Variants in SSBP2 observed in about 807,000 individuals in gnomAD.
The protein encoded by SSBP2 is single-stranded DNA-binding protein 2.
Under a neutral mutation model 61.8 loss-of-function variants are expected in SSBP2, and 17 were observed. That is an observed-to-expected ratio of 0.28 (90% CI 0.19 to 0.41). SSBP2 has a LOEUF of 0.41. Among genes scored for constraint, SSBP2 ranks in the 10% least tolerant of loss-of-function variants. SSBP2 has a pLI of 1.00. For missense variants in SSBP2, 310 were observed against 458.7 expected (o/e 0.68, Z 2.96); for synonymous variants, 139 against 141.3 (o/e 0.98, Z 0.12).
At chr5:81,634,773 T>C (rs1748047815) in intron 3 of SSBP2, among the ~76,000 whole-genome samples, 1 of 152,202 alleles carries the variant, frequency 6.6e-6, no homozygotes, top group Non-Finnish European at 1.5e-5. Flanking sequence ...TCTCTGCACA[T>C]GGTATGGTTG....
At chr5:81,713,525 A>G (rs1367291260) in intron 1 of SSBP2, among the ~76,000 whole-genome samples, 1 of 152,230 alleles carries the variant, frequency 6.6e-6, no homozygotes. Context: ...TATACCCTCC[A>G]TCCACTAAGA....
intron 2 of SSBP2, among the ~76,000 whole-genome samples, chr5:81,649,252 T>C (rs939214049): frequency 1.3e-5 from 2 of 152,104 alleles, no homozygotes; most frequent in Admixed American, 1.3e-4. Flanking sequence ...AGATAATATA[T>C]GTAAAATACC....
At chr5:81,629,619 C>T (rs1747502292) in intron 3 of SSBP2, among the ~76,000 whole-genome samples, 1 of 152,184 alleles carries the variant, frequency 6.6e-6, no homozygotes, top group African/African-American at 2.4e-5. Flanking sequence ...CCTTTTCTAA[C>T]TCTCCCAAGC....
At chr5:81,475,430 T>C (rs1173393227) in intron 6 of SSBP2, among the ~76,000 whole-genome samples, 1 of 152,148 alleles carries the variant, frequency 6.6e-6, no homozygotes, top group Non-Finnish European at 1.5e-5. Context: ...TGGGATGAAG[T>C]AGGTAGCTTC....
intron 1 of SSBP2, among the ~76,000 whole-genome samples, chr5:81,721,806 T>C (rs2153971275): frequency 6.6e-6 from 1 of 152,178 alleles, no homozygotes; most frequent in Admixed American, 6.5e-5. Flanking sequence ...AGGAATCAAA[T>C]GCCTTTGTAA....
At chr5:81,519,957 T>A (rs975638965) in intron 4 of SSBP2, among the ~76,000 whole-genome samples, 1 of 152,066 alleles carries the variant, frequency 6.6e-6, no homozygotes, top group African/African-American at 2.4e-5. Flanking sequence ...TTTTCAAACA[T>A]CTTAATTAAA....
chr5:81,553,669 TATC>T (rs938449803), intron 4 of SSBP2, among the ~76,000 whole-genome samples: 5 of 152,088 alleles, frequency 3.3e-5, no homozygotes, highest in Admixed American at 6.6e-5. Context: ...ATAAATAAAA[TATC>T]ATCATCAGGG....
chr5:81,685,629 T>C (rs920547515), intron 1 of SSBP2, among the ~76,000 whole-genome samples: 4 of 152,194 alleles, frequency 2.6e-5, no homozygotes, highest in South Asian at 2.1e-4. Flanking sequence ...AGATGGGCTA[T>C]ATTAACTTCT....
intron 6 of SSBP2, among the ~76,000 whole-genome samples, chr5:81,488,684 C>A: frequency 6.7e-6 from 1 of 148,662 alleles, no homozygotes; most frequent in Non-Finnish European, 1.5e-5. Context: ...GGTATATCTC[C>A]TAATGCTATC....
chr5:81,514,138 C>CT (rs919363983), intron 4 of SSBP2, among the ~76,000 whole-genome samples: 11 of 150,510 alleles, frequency 7.3e-5, no homozygotes, highest in Admixed American at 1.3e-4. Flanking sequence ...ATAATTCTCC[C>CT]TTTTTTTTTA....
chr5:81,615,685 G>GAAAGACTT, intron 3 of SSBP2, 128 bp from the exon 4 acceptor site: 1 of 615,734 alleles, frequency 1.6e-6, no homozygotes, highest in East Asian at 2.9e-5. Context: ...ATATCTATCT[G>GAAAGACTT]AAAGACTTAA....
chr5:81,514,240 C>T (rs1170313163), intron 4 of SSBP2, among the ~76,000 whole-genome samples: 1 of 151,192 alleles, frequency 6.6e-6, no homozygotes, highest in Non-Finnish European at 1.5e-5. Flanking sequence ...TATACTGTAA[C>T]TGGTAGCCAA....
At chr5:81,687,694 G>A (rs116348487) in intron 1 of SSBP2, among the ~76,000 whole-genome samples, 1,646 of 152,300 alleles carry the variant, frequency 0.011, 15 homozygotes, top group Non-Finnish European at 0.018. Flanking sequence ...AGGCAGAGTC[G>A]TGAAGTTACC....
Position 81,548,081 on chromosome 5 carries a change from G to A in SSBP2, c.283-34364C>T, listed in dbSNP as rs528661716. On this transcript the variant is annotated intron_variant, in intron 4 of 16. Transcript: ENST00000320672. ...TAATAAAAAATTATTGCTAAAAACT[G>A]CCAACAATTCTCTGAGCCTTCAGTG... Among the ~76,000 whole-genome samples the A allele has an allele frequency of 2.4e-4, 36 of 152,228 alleles. No homozygotes were observed. In the South Asian group the frequency reaches 5.6e-3, roughly 24 times the overall value.
intron 4 of SSBP2, among the ~76,000 whole-genome samples, chr5:81,525,789 A>G (rs1010792352): frequency 6.6e-6 from 1 of 151,990 alleles, no homozygotes; most frequent in African/African-American, 2.4e-5. Flanking sequence ...CTTCCTGCCA[A>G]TGGTCTGCTG....
In SSBP2 at chr5:81,585,001, T is replaced by C. The variant is rs936695410; in HGVS notation, c.282+30472A>G. Among the ~76,000 whole-genome samples the C allele has an allele frequency of 2.4e-4, 37 of 152,120 alleles. 1 individual carries two copies. Among genetic ancestry groups the C allele is most frequent in the African/African-American group, 8.4e-4 (35 of 41,464 alleles). Reference sequence around the variant, plus strand: ...GAAATAATAAAAGAGAAATACATAATAGTCATATTTCATATAAACTATTAC... The same window carrying C: ...GAAATAATAAAAGAGAAATACATAACAGTCATATTTCATATAAACTATTAC... On this transcript the variant is annotated intron_variant, in intron 4 of 16. Transcript: ENST00000320672.
intron 1 of SSBP2, among the ~76,000 whole-genome samples, chr5:81,726,014 AAT>A (rs996793863): frequency 2.0e-5 from 3 of 152,232 alleles, no homozygotes; most frequent in African/African-American, 4.8e-5. Flanking sequence ...ATAAATTAAA[AAT>A]ATGTGTGCAT....
chr5:81,600,561 C>CAAAAAAAAAAAAAAAAA (rs35204869), intron 4 of SSBP2, among the ~76,000 whole-genome samples: 1 of 87,610 alleles, frequency 1.1e-5, no homozygotes, highest in South Asian at 4.0e-4. Context: ...GACTCTGTCT[C>CAAAAAAAAAAAAAAAAA]AAAAAAAAAA....
chr5:81,535,305 T>C (rs1580947020), intron 4 of SSBP2, among the ~76,000 whole-genome samples: 1 of 152,304 alleles, frequency 6.6e-6, no homozygotes, highest in African/African-American at 2.4e-5. Flanking sequence ...AGATATTCTA[T>C]GTTCATGAAT....
Sources: allele counts gnomAD v4.1 joint callset (sites outside exome capture counted in the v4.1 genomes callset), GRCh38; gene constraint gnomAD v4.1.1; transcripts MANE v1.5; gene names NCBI Gene and HGNC (gene_info 2026-07-23, HGNC 2026-07-21).